RAD54B: variants seen among roughly 807,000 people sequenced by gnomAD.
The protein encoded by RAD54B is DNA repair and recombination protein RAD54B.
Under a neutral mutation model 95.8 loss-of-function variants are expected in RAD54B, and 78 were observed. The observed-to-expected ratio is 0.81, with a 90% confidence interval of 0.68 to 0.98. The LOEUF is 0.98. Ranked by LOEUF, RAD54B falls within the 50% of genes least tolerant of loss-of-function variation. RAD54B has a pLI of 0.00. For synonymous variants in RAD54B, 328 were observed against 354.9 expected, an observed-to-expected ratio of 0.92 and a Z score of 0.85; for missense variants, 957 against 1,056.6, an observed-to-expected ratio of 0.91 and a Z score of 1.31.
intron 2 of RAD54B, among the ~76,000 whole-genome samples, chr8:94,458,782 G>C (rs942590257): frequency 1.3e-5 from 2 of 151,908 alleles, no homozygotes; most frequent in Non-Finnish European, 2.9e-5. Flanking sequence ...CAGGAGAATC[G>C]CTTGAACTCA....
chr8:94,421,807 T>A (rs1811812835), intron 3 of RAD54B, among the ~76,000 whole-genome samples: 1 of 152,230 alleles, frequency 6.6e-6, no homozygotes, highest in Non-Finnish European at 1.5e-5. Flanking sequence ...ATCTCTGATC[T>A]GAATTTTGGT....
intron 3 of RAD54B, chr8:94,430,336 T>C (rs1235212344): frequency 4.1e-6 from 4 of 977,734 alleles, no homozygotes; most frequent in Non-Finnish European, 4.9e-6. Flanking sequence ...AAGTATTTAA[T>C]GTAATTCATA....
chr8:94,445,905 CTT>C (rs1290223410), intron 3 of RAD54B, among the ~76,000 whole-genome samples: 6 of 151,950 alleles, frequency 3.9e-5, no homozygotes, highest in East Asian at 3.9e-4. Flanking sequence ...CTTTAGAACT[CTT>C]TTTTAAAATT....
At chr8:94,461,035 G>A (rs565587559) in intron 2 of RAD54B, among the ~76,000 whole-genome samples, 1 of 151,854 alleles carries the variant, frequency 6.6e-6, no homozygotes, top group East Asian at 1.9e-4. Flanking sequence ...AGATTCCAGT[G>A]ATTAGGACAT....
At chr8:94,455,884 C>T (rs1024860906) in intron 3 of RAD54B, among the ~76,000 whole-genome samples, 5 of 152,114 alleles carry the variant, frequency 3.3e-5, no homozygotes, top group African/African-American at 9.7e-5. Context: ...TATCTTAATC[C>T]AGTATGACTT....
intron 9 of RAD54B, among the ~76,000 whole-genome samples, chr8:94,393,225 G>A (rs1811064095): frequency 6.6e-6 from 1 of 152,004 alleles, no homozygotes; most frequent in African/African-American, 2.4e-5. Flanking sequence ...GATATACATT[G>A]CCAAACTTTC....
intron 8 of RAD54B, among the ~76,000 whole-genome samples, chr8:94,394,743 T>C (rs183728962): frequency 6.6e-6 from 1 of 152,310 alleles, no homozygotes; most frequent in East Asian, 1.9e-4. Flanking sequence ...AACAATGTAA[T>C]ATCAGATGGC....
chr8:94,392,807 T>G (rs1423699995), intron 9 of RAD54B, among the ~76,000 whole-genome samples: 1 of 132,580 alleles, frequency 7.5e-6, no homozygotes, highest in Non-Finnish European at 1.6e-5. Flanking sequence ...AAGGTCACCC[T>G]ATACCCTATA....
chr8:94,403,124 C>T (rs1427077361), intron 6 of RAD54B, among the ~76,000 whole-genome samples: 1 of 152,104 alleles, frequency 6.6e-6, no homozygotes, highest in African/African-American at 2.4e-5. Context: ...GGGAGAATTT[C>T]ATTTCCAACT....
At chr8:94,457,219 G>A (rs1026063842) in intron 3 of RAD54B, among the ~76,000 whole-genome samples, 2 of 152,164 alleles carry the variant, frequency 1.3e-5, no homozygotes, top group Non-Finnish European at 2.9e-5. Context: ...TAACAAGGAT[G>A]GAAGCAAGGA....
Position 94,411,680 on chromosome 8 carries a change from TTAAG to T in RAD54B, c.305-369_305-366del, listed in dbSNP as rs879875292. 7.0e-4 allele frequency among the ~76,000 whole-genome samples: 106 copies of T among 152,112 alleles called. 1 individual carries two copies. The Middle Eastern group carries it at 0.01, about 15-fold the overall frequency. On this transcript the variant is annotated intron_variant, in intron 3 of 14. Coordinates refer to ENST00000336148, the MANE Select transcript of RAD54B (RefSeq NM_012415.3). Reference sequence around the variant, plus strand: ...TCACATTTTGACAAAACTGATTTAATTAAGTAACATGACAAGCTGAGGAAAGGCA... The same window carrying T: ...TCACATTTTGACAAAACTGATTTAATTAACATGACAAGCTGAGGAAAGGCA...
chr8:94,425,521 T>G (rs1811921641), intron 3 of RAD54B, among the ~76,000 whole-genome samples: 1 of 152,154 alleles, frequency 6.6e-6, no homozygotes, highest in African/African-American at 2.4e-5. Context: ...TAATATGCAT[T>G]AACATATAAC....
intron 3 of RAD54B, among the ~76,000 whole-genome samples, chr8:94,457,728 AT>A (rs1464055675): frequency 6.6e-6 from 1 of 152,212 alleles, no homozygotes; most frequent in African/African-American, 2.4e-5. Context: ...CATCTTAATT[AT>A]TTTTTTAGTT....
At chr8:94,414,929 C>T (rs377102242) in intron 3 of RAD54B, among the ~76,000 whole-genome samples, 97 of 152,252 alleles carry the variant, frequency 6.4e-4, no homozygotes, top group Admixed American at 4.8e-3. Context: ...ATTGTGAAAA[C>T]GGCCATACTG....
chr8:94,374,221 G>T (rs1327123458), intron 14 of RAD54B, among the ~76,000 whole-genome samples: 3 of 151,990 alleles, frequency 2.0e-5, no homozygotes, highest in Non-Finnish European at 4.4e-5. Context: ...GGAGCTGGCA[G>T]TGAGCCGAGA....
intron 3 of RAD54B, chr8:94,429,608 T>G: frequency 1.0e-6 from 1 of 983,492 alleles, no homozygotes; most frequent in Non-Finnish European, 1.2e-6. Context: ...TGCCAAGATG[T>G]GTTTACTAGA....
intron 3 of RAD54B, among the ~76,000 whole-genome samples, chr8:94,453,814 G>A (rs2130167592): frequency 6.6e-6 from 1 of 152,194 alleles, no homozygotes; most frequent in Admixed American, 6.5e-5. Flanking sequence ...GTTTGAGATG[G>A]AGTTTTGCTC....
intron 1 of RAD54B, among the ~76,000 whole-genome samples, chr8:94,470,581 G>A (rs979569616): frequency 1.0e-4 from 14 of 140,178 alleles, no homozygotes; most frequent in African/African-American, 3.3e-4. Flanking sequence ...GGAAACAAGA[G>A]CGAAACTTCG....
intron 2 of RAD54B, among the ~76,000 whole-genome samples, chr8:94,461,174 T>C (rs1028498140): frequency 2.3e-4 from 32 of 137,084 alleles, no homozygotes; most frequent in Non-Finnish European, 4.1e-4. Flanking sequence ...TTTTTTTTTT[T>C]TTTTTTTTTT....
Sources: gnomAD v4.1 joint callset for allele counts (sites outside exome capture counted in the v4.1 genomes callset) on GRCh38, gnomAD v4.1.1 for gene constraint, MANE v1.5 for transcripts, NCBI Gene and HGNC (gene_info 2026-07-23, HGNC 2026-07-21) for gene names.